NECTIN3: variants seen among roughly 807,000 people sequenced by gnomAD.
The protein encoded by NECTIN3 is nectin-3.
A neutral mutation model predicts 49.4 loss-of-function variants in NECTIN3; 8 were observed. That is an observed-to-expected ratio of 0.16 (90% CI 0.10 to 0.29). The LOEUF (loss-of-function observed/expected upper bound fraction) is 0.29, where lower values mean the gene tolerates loss of function less well. Ranked by LOEUF, NECTIN3 falls within the 10% of genes least tolerant of loss-of-function variation. The pLI is 1.00. For missense variants in NECTIN3, 581 were observed against 654.6 expected (o/e 0.89, Z 1.23); for synonymous variants, 277 against 241.1 (o/e 1.15, Z -1.38).
chr3:111,109,800 T>A (rs973288391), intron 1 of NECTIN3, among the ~76,000 whole-genome samples: 4 of 152,054 alleles, frequency 2.6e-5, no homozygotes, highest in African/African-American at 9.7e-5. Context: ...ACCCTGTTTT[T>A]AAAAAAATTT....
intron 7 of NECTIN3, among the ~76,000 whole-genome samples, chr3:111,171,666 G>C (rs1456263471): frequency 6.6e-6 from 1 of 151,450 alleles, no homozygotes; most frequent in Non-Finnish European, 1.5e-5. Flanking sequence ...CCTATTTATA[G>C]AGATATTATA....
intron 1 of NECTIN3, among the ~76,000 whole-genome samples, chr3:111,085,792 T>G (rs2031888322): frequency 6.6e-6 from 1 of 152,204 alleles, no homozygotes; most frequent in African/African-American, 2.4e-5. Flanking sequence ...TGGGTTATTT[T>G]CACTTTGAGG....
At chr3:111,190,219 A>T (rs1227420389), upstream of NECTIN3, among the ~76,000 whole-genome samples, 1 of 152,192 alleles carries the variant, frequency 6.6e-6, no homozygotes, top group South Asian at 2.1e-4. Context: ...ACCAGTGTGT[A>T]CTGTTAATAT....
chr3:111,158,816 C>T (rs1357772348), intron 7 of NECTIN3, among the ~76,000 whole-genome samples: 2 of 152,126 alleles, frequency 1.3e-5, no homozygotes, highest in Non-Finnish European at 2.9e-5. Flanking sequence ...AAACCACAGA[C>T]GCAAACAAAA....
intron 5 of NECTIN3, among the ~76,000 whole-genome samples, chr3:111,127,388 A>G (rs1031563338): frequency 1.1e-4 from 16 of 150,208 alleles, no homozygotes; most frequent in African/African-American, 3.9e-4. Context: ...CAATTCAGCA[A>G]TTTGTGCTTG....
chr3:111,116,905 G>A (rs1003339860), intron 2 of NECTIN3, among the ~76,000 whole-genome samples: 3 of 151,934 alleles, frequency 2.0e-5, no homozygotes, highest in African/African-American at 4.8e-5. Context: ...TCTAAGATTG[G>A]GAGTAAATTG....
At chr3:111,109,017 G>A (rs111521283) in intron 1 of NECTIN3, among the ~76,000 whole-genome samples, 1 of 152,128 alleles carries the variant, frequency 6.6e-6, no homozygotes, top group African/African-American at 2.4e-5. Context: ...CATTTGGGGA[G>A]GTTGGGAAGT....
chr3:111,114,175 C>A (rs1465647033), intron 2 of NECTIN3, among the ~76,000 whole-genome samples: 1 of 152,050 alleles, frequency 6.6e-6, no homozygotes, highest in Non-Finnish European at 1.5e-5. Flanking sequence ...ACTTTTCTCG[C>A]TTCATCTATT....
At chr3:111,111,252 A>G (rs1043605229) in intron 1 of NECTIN3, among the ~76,000 whole-genome samples, 1 of 152,114 alleles carries the variant, frequency 6.6e-6, no homozygotes, top group Non-Finnish European at 1.5e-5. Flanking sequence ...GTTTTGCTCT[A>G]TTGCTTTTAG....
At chr3:111,166,380 G>A (rs1559815799) in intron 7 of NECTIN3, among the ~76,000 whole-genome samples, 1 of 152,088 alleles carries the variant, frequency 6.6e-6, no homozygotes, top group Non-Finnish European at 1.5e-5. Flanking sequence ...TCTGATCCCT[G>A]TCCACTTTCT....
intron 7 of NECTIN3, among the ~76,000 whole-genome samples, chr3:111,184,659 T>C (rs143820653): frequency 3.2e-4 from 48 of 152,368 alleles, no homozygotes; most frequent in African/African-American, 1.1e-3. Flanking sequence ...TTCTATATAC[T>C]TATTTTTTCC....
chr3:111,108,259 A>C (rs145865710), intron 1 of NECTIN3, among the ~76,000 whole-genome samples: 1,541 of 145,208 alleles, frequency 0.011, 11 homozygotes, highest in Middle Eastern at 0.019. Context: ...AACTTTGTTC[A>C]TTAGGGGTAA....
chr3:111,154,752 T>G (rs1430586414), intron 7 of NECTIN3, among the ~76,000 whole-genome samples: 1 of 152,208 alleles, frequency 6.6e-6, no homozygotes, highest in Non-Finnish European at 1.5e-5. Context: ...ATGTAGAACA[T>G]TTTTTCATTT....
At chr3:111,126,417 TTTGTAC>T (rs2034165279) in intron 5 of NECTIN3, 82 bp downstream of exon 5, 2 of 1,201,092 alleles carry the variant, frequency 1.7e-6, no homozygotes, top group African/African-American at 1.6e-5. Context: ...TAAGCAATAA[TTTGTAC>T]TTGTAAAGAT....
chr3:111,074,739 A>T (rs970524133), intron 1 of NECTIN3, among the ~76,000 whole-genome samples: 3 of 152,010 alleles, frequency 2.0e-5, no homozygotes, highest in African/African-American at 7.2e-5. Context: ...ATTCCTAGGT[A>T]TAAGTGTCAA....
At chr3:111,158,141 G>T (rs2107517598) in intron 7 of NECTIN3, among the ~76,000 whole-genome samples, 1 of 152,086 alleles carries the variant, frequency 6.6e-6, no homozygotes, top group East Asian at 1.9e-4. Context: ...ATGACTGTTT[G>T]ACAGCTCACA....
intron 7 of NECTIN3, among the ~76,000 whole-genome samples, chr3:111,177,063 T>C (rs2107529942): frequency 6.6e-6 from 1 of 152,274 alleles, no homozygotes; most frequent in African/African-American, 2.4e-5. Context: ...TATTAACCAC[T>C]TAGAAAATCT....
At chr3:111,086,489 T>C (rs2107378144) in intron 1 of NECTIN3, among the ~76,000 whole-genome samples, 1 of 152,354 alleles carries the variant, frequency 6.6e-6, no homozygotes, top group African/African-American at 2.4e-5. Flanking sequence ...TACTATTTAG[T>C]CAGCCATCAC....
At chr3:111,181,446 GT>G (rs2035625506) in intron 7 of NECTIN3, among the ~76,000 whole-genome samples, 1 of 152,020 alleles carries the variant, frequency 6.6e-6, no homozygotes, top group Non-Finnish European at 1.5e-5. Flanking sequence ...TATTTTTCTG[GT>G]TTTAGTATCC....
Sources: allele counts gnomAD v4.1 joint callset (sites outside exome capture counted in the v4.1 genomes callset), GRCh38; gene constraint gnomAD v4.1.1; transcripts MANE v1.5; gene names NCBI Gene and HGNC (gene_info 2026-07-23, HGNC 2026-07-21).